The following CNGB3 variants were observed in gnomAD, a reference collection of about 807,000 sequenced individuals.
The protein encoded by CNGB3 is cyclic nucleotide-gated channel beta-3.
In CNGB3, 86 loss-of-function variants were observed where a neutral mutation model predicts 92.8. The ratio of observed to expected loss-of-function variants is 0.93; its 90% CI spans 0.78 to 1.11. CNGB3 has a LOEUF of 1.11. Ranked by LOEUF, CNGB3 falls within the 50% of genes least tolerant of loss-of-function variation. The probability of loss-of-function intolerance (pLI) is 0.00; values close to 1 mark genes in which losing one functional copy is unlikely to be tolerated. For missense variants in CNGB3, 1,026 were observed against 956.8 expected, an observed-to-expected ratio of 1.07 and a Z score of -0.95; for synonymous variants, 333 against 332.7, an observed-to-expected ratio of 1.00 and a Z score of -0.01.
intron 12 of CNGB3, among the ~76,000 whole-genome samples, chr8:86,627,216 G>A (rs191885919): frequency 1.7e-4 from 26 of 152,144 alleles, no homozygotes; most frequent in Admixed American, 1.7e-3. Context: ...TATAAACACA[G>A]TTTATTGTTT....
At chr8:86,702,826 TTAAG>T (rs1478000961) in intron 3 of CNGB3, among the ~76,000 whole-genome samples, 1 of 152,106 alleles carries the variant, frequency 6.6e-6, no homozygotes, top group East Asian at 1.9e-4. Flanking sequence ...AATATATATA[TTAAG>T]TATTTTCTCC....
intron 3 of CNGB3, among the ~76,000 whole-genome samples, chr8:86,711,043 T>A (rs1253053113): frequency 2.0e-5 from 3 of 152,226 alleles, no homozygotes; most frequent in African/African-American, 7.2e-5. Context: ...AATTTTAACT[T>A]ATTTTGGTAG....
At chr8:86,658,741 T>G (rs1482861821) in intron 6 of CNGB3, 1 of 489,538 alleles carries the variant, frequency 2.0e-6, no homozygotes, top group South Asian at 2.4e-5. Context: ...GTGATCTCCA[T>G]GTTCTCATTG....
chr8:86,636,855 CTCTT>C (rs1823082166), intron 10 of CNGB3, among the ~76,000 whole-genome samples: 1 of 152,116 alleles, frequency 6.6e-6, no homozygotes, highest in Non-Finnish European at 1.5e-5. Flanking sequence ...GACGGTATTT[CTCTT>C]TCTGTGTCTT....
chr8:86,743,536 G>A lies in CNGB3; in HGVS notation c.92C>T (p.Ser31Phe), dbSNP rs1472499237. 6.8e-6 allele frequency: 11 copies of A among 1,613,990 alleles called. No homozygotes were observed. Among genetic ancestry groups the A allele is most frequent in the Non-Finnish European group, 9.3e-6 (11 of 1,179,902 alleles). The change falls in exon 1 of 18, where the codon TCT becomes TTT. Residue 31 changes from serine (S) to phenylalanine (F), a missense_variant. Coordinates refer to ENST00000320005, the MANE Select transcript of CNGB3 (RefSeq NM_019098.5). ...TTGCTGAGACTGATTACTTGGGTGA[G>A]AGCCTTCTTCATTCCGACGAGAACT... Reference protein sequence around the residue: ...EQSSRRNEEGSHPSNQSQQTT... With the variant: ...EQSSRRNEEGFHPSNQSQQTT...
In CNGB3 at chr8:86,726,701, C is replaced by T. The variant is rs562521610; in HGVS notation, c.212-44G>A. The T allele has an allele frequency of 8.7e-6, 14 of 1,609,510 alleles. No homozygotes were observed. The South Asian group carries it at 1.5e-4, about 18-fold the overall frequency. On this transcript the variant is annotated intron_variant, in intron 2 of 17. Transcript: ENST00000320005. ...CATAGATAGAAGAATGTACAACACTCTTGACCCAGCTATATTTGGCAACAT... is the reference window on the plus strand; with the variant it reads ...CATAGATAGAAGAATGTACAACACTTTTGACCCAGCTATATTTGGCAACAT...
At chr8:86,630,200 C>T (rs1822933589) in intron 11 of CNGB3, among the ~76,000 whole-genome samples, 1 of 152,148 alleles carries the variant, frequency 6.6e-6, no homozygotes, top group South Asian at 2.1e-4. Flanking sequence ...AAATATTCCT[C>T]AACAACCTCA....
At chr8:86,674,222 C>A (rs1459788028) in intron 3 of CNGB3, among the ~76,000 whole-genome samples, 1 of 152,142 alleles carries the variant, frequency 6.6e-6, no homozygotes, top group African/African-American at 2.4e-5. Flanking sequence ...AATATTTTTT[C>A]TTTCCCTGAA....
At chr8:86,595,778 C>A (rs1360699610) in intron 15 of CNGB3, among the ~76,000 whole-genome samples, 1 of 152,124 alleles carries the variant, frequency 6.6e-6, no homozygotes, top group African/African-American at 2.4e-5. Flanking sequence ...AAAGTCTCCT[C>A]TGGTACTCCA....
chr8:86,740,918 C>T (rs959595213), intron 1 of CNGB3, among the ~76,000 whole-genome samples: 1 of 152,028 alleles, frequency 6.6e-6, no homozygotes, highest in African/African-American at 2.4e-5. Context: ...CCTTTTGCAT[C>T]GTTATGATGT....
chr8:86,671,081 G>A lies in CNGB3; in HGVS notation c.356C>T (p.Pro119Leu), dbSNP rs1196985034. 1 of 1,613,880 alleles carries A rather than the reference G, an allele frequency of 6.2e-7. No homozygotes were observed. Among genetic ancestry groups the A allele is most frequent in the Non-Finnish European group, 8.5e-7 (1 of 1,180,016 alleles). Residue 119 changes from proline (P) to leucine (L), a missense_variant, in exon 4 of 18, where the codon CCT (proline) becomes CTT (leucine). Pro to Leu is a moderately conservative substitution (Grantham distance 98). Coordinates refer to ENST00000320005, the MANE Select transcript of CNGB3 (RefSeq NM_019098.5). ...EGPNSPQNKPPAAPVINEYAD... is the reference protein window; with the variant it reads ...EGPNSPQNKPLAAPVINEYAD... ...ATACTCATTTATAACAGGAGCTGCA[G>A]GCGGTTTGTTTTGTGGGCTAAATGA... is the stretch of plus-strand genomic sequence containing the variant.
intron 11 of CNGB3, among the ~76,000 whole-genome samples, chr8:86,631,012 A>G (rs35417322): frequency 0.08 from 12,190 of 152,166 alleles, 543 homozygotes; most frequent in African/African-American, 0.11. Flanking sequence ...TTTATTCACT[A>G]TGAGAGTTTG....
intron 1 of CNGB3, 119 bp downstream of exon 1, chr8:86,743,380 G>T: frequency 9.3e-7 from 1 of 1,074,242 alleles, no homozygotes; most frequent in Non-Finnish European, 1.4e-6. Context: ...CACAGTACAT[G>T]TACCAGATGG....
At chr8:86,716,919 A>G (rs1168040835) in intron 3 of CNGB3, among the ~76,000 whole-genome samples, 1 of 152,222 alleles carries the variant, frequency 6.6e-6, no homozygotes, top group Non-Finnish European at 1.5e-5. Flanking sequence ...TAAAATATAC[A>G]GAATGGCAGA....
rs149727949 is a variant in CNGB3 at position 86,711,199 on chromosome 8, A to G, written c.338+15332T>C. 3.5e-3 allele frequency among the ~76,000 whole-genome samples: 525 copies of G among 151,886 alleles called. 3 individuals carry two copies. The highest frequency in any genetic ancestry group is 0.012 in the African/African-American group (510 of 41,378). On this transcript the variant is annotated intron_variant, in intron 3 of 17. Transcript: ENST00000320005. ...AGGACTTCTTGGTGCACTTAAGTTC[A>G]CCTCTGTTTCTCTTTTCTACCTCCT...
chr8:86,734,044 T>A (rs979657530), intron 2 of CNGB3, among the ~76,000 whole-genome samples: 3 of 151,818 alleles, frequency 2.0e-5, no homozygotes, highest in Non-Finnish European at 4.4e-5. Flanking sequence ...ATTAAAAAAA[T>A]TTGGGGGGAT....
Position 86,574,923 on chromosome 8 carries a change from CA to C in CNGB3, c.*880del, listed in dbSNP as rs1419837852. On this transcript the variant is annotated 3_prime_UTR_variant, in exon 18 of 18. Coordinates refer to ENST00000320005, the MANE Select transcript of CNGB3 (RefSeq NM_019098.5). ...GTAGAGTCTGCCTTCCTAACCTCAT[CA>C]CTTTGTTTTACTAAAGCTTAATTTT... 1 of 152,092 alleles carries C rather than the reference CA, an allele frequency of 6.6e-6. No individual in the cohort carries two copies. The highest frequency in any genetic ancestry group is 2.4e-5 in the African/African-American group (1 of 41,404). The allele number at this position is 152,092 out of a possible 1,614,324, so 9.4% of individuals were successfully genotyped here. A position where few individuals can be genotyped will look rare whatever the true frequency, so the allele number is the denominator to read the frequency against.
At chr8:86,697,931 G>A (rs1045997988) in intron 3 of CNGB3, among the ~76,000 whole-genome samples, 3 of 152,106 alleles carry the variant, frequency 2.0e-5, no homozygotes, top group African/African-American at 7.2e-5. Flanking sequence ...TCAGAATGAT[G>A]GTTTCCAGCT....
In CNGB3 at chr8:86,662,174, T is replaced by A. The variant is rs1264490545; in HGVS notation, c.852+4751A>T. On this transcript the variant is annotated intron_variant, in intron 6 of 17. Coordinates refer to ENST00000320005, the MANE Select transcript of CNGB3 (RefSeq NM_019098.5). Reference sequence around the variant, plus strand: ...CGCAACCCGTATTCACTCCTTCTGATAAACAATTCACAGAAACTTCATAAT... The same window carrying A: ...CGCAACCCGTATTCACTCCTTCTGAAAAACAATTCACAGAAACTTCATAAT... Among the ~76,000 whole-genome samples the A allele has an allele frequency of 6.6e-6, 1 of 152,242 alleles. No homozygotes were observed. Among genetic ancestry groups the A allele is most frequent in the Non-Finnish European group, 1.5e-5 (1 of 68,038 alleles).
Sources: allele counts gnomAD v4.1 joint callset (sites outside exome capture counted in the v4.1 genomes callset), GRCh38; gene constraint gnomAD v4.1.1; transcripts MANE v1.5; gene names NCBI Gene and HGNC (gene_info 2026-07-23, HGNC 2026-07-21).